Variants in FMNL2 observed in about 807,000 individuals in gnomAD.
FMNL2 encodes the protein formin-like protein 2.
In FMNL2, 51 loss-of-function variants were observed where a neutral mutation model predicts 130.2. That is an observed-to-expected ratio of 0.39 (90% confidence interval 0.31 to 0.49). FMNL2 has a LOEUF of 0.49. Ranked by LOEUF, FMNL2 falls within the 20% of genes least tolerant of loss-of-function variation. The pLI is 0.85. For missense variants in FMNL2, 977 were observed against 1,316.2 expected (o/e 0.74, Z 3.99); for synonymous variants, 465 against 467.1 (o/e 1.00, Z 0.06).
chr2:152,381,877 G>T (rs1326172936), intron 1 of FMNL2, among the ~76,000 whole-genome samples: 1 of 151,162 alleles, frequency 6.6e-6, no homozygotes, highest in Non-Finnish European at 1.5e-5. Context: ...GCACAATCAC[G>T]GCTCACTGCA....
intron 2 of FMNL2, among the ~76,000 whole-genome samples, chr2:152,532,810 G>A (rs1263614278): frequency 1.3e-5 from 2 of 151,934 alleles, no homozygotes; most frequent in Non-Finnish European, 2.9e-5. Context: ...GTTTCACCAC[G>A]TTGGCCAGGC....
chr2:152,384,074 T>C (rs1028478975), intron 1 of FMNL2, among the ~76,000 whole-genome samples: 1 of 152,242 alleles, frequency 6.6e-6, no homozygotes, highest in African/African-American at 2.4e-5. Flanking sequence ...TATTGATTTC[T>C]ATTTTTGTGA....
intron 1 of FMNL2, among the ~76,000 whole-genome samples, chr2:152,472,713 A>G (rs966588360): frequency 6.6e-6 from 1 of 152,222 alleles, no homozygotes; most frequent in African/African-American, 2.4e-5. Context: ...CATCAGGCCA[A>G]TTCCAGGGTC....
At chr2:152,481,424 AAAC>A (rs1558900062) in intron 1 of FMNL2, among the ~76,000 whole-genome samples, 2 of 152,238 alleles carry the variant, frequency 1.3e-5, no homozygotes, top group East Asian at 3.8e-4. Flanking sequence ...AACAGCCAAA[AAAC>A]AACGTTTTGG....
intron 1 of FMNL2, among the ~76,000 whole-genome samples, chr2:152,453,602 G>A (rs2105082056): frequency 6.6e-6 from 1 of 152,316 alleles, no homozygotes; most frequent in African/African-American, 2.4e-5. Context: ...CAGATTCAAT[G>A]CCTGCTTTTG....
intron 1 of FMNL2, among the ~76,000 whole-genome samples, chr2:152,384,100 A>T (rs900909942): frequency 3.3e-5 from 5 of 152,146 alleles, no homozygotes; most frequent in Non-Finnish European, 5.9e-5. Context: ...TACTTTGTGT[A>T]TATTTATCTT....
At chr2:152,372,786 A>T (rs1379726501) in intron 1 of FMNL2, among the ~76,000 whole-genome samples, 1 of 152,216 alleles carries the variant, frequency 6.6e-6, no homozygotes, top group East Asian at 1.9e-4. Flanking sequence ...TGTTCCAGTA[A>T]TCTGAGACAG....
intron 1 of FMNL2, among the ~76,000 whole-genome samples, chr2:152,461,004 C>A (rs1490593211): frequency 6.6e-6 from 1 of 152,172 alleles, no homozygotes; most frequent in Non-Finnish European, 1.5e-5. Context: ...ACTACCTGGT[C>A]CATGGAAAAA....
chr2:152,594,321 C>T (rs1294203938), intron 9 of FMNL2, among the ~76,000 whole-genome samples: 1 of 152,040 alleles, frequency 6.6e-6, no homozygotes, highest in Non-Finnish European at 1.5e-5. Context: ...AACAAGGTAC[C>T]TAGATAATAA....
intron 6 of FMNL2, among the ~76,000 whole-genome samples, chr2:152,566,153 G>A (rs1182899962): frequency 2.6e-5 from 4 of 152,246 alleles, no homozygotes; most frequent in South Asian, 2.1e-4. Flanking sequence ...TATCCTTAGT[G>A]GATTTACGTG....
chr2:152,608,094 T>G (rs928895669), intron 10 of FMNL2, among the ~76,000 whole-genome samples: 2 of 152,136 alleles, frequency 1.3e-5, no homozygotes, highest in African/African-American at 4.8e-5. Context: ...GAATCTACCA[T>G]AGTGAATTTC....
intron 1 of FMNL2, among the ~76,000 whole-genome samples, chr2:152,372,271 G>C (rs1007196293): frequency 5.9e-5 from 9 of 152,196 alleles, no homozygotes; most frequent in African/African-American, 2.2e-4. Flanking sequence ...ATTATAGTTA[G>C]AGGTCCATCT....
intron 1 of FMNL2, among the ~76,000 whole-genome samples, chr2:152,410,181 A>G (rs1022758442): frequency 6.6e-6 from 1 of 152,180 alleles, no homozygotes; most frequent in African/African-American, 2.4e-5. Flanking sequence ...CTTGCTGTCG[A>G]TATGGAGCAC....
At chr2:152,442,228 C>CTATTTCTT (rs1301922381) in intron 1 of FMNL2, among the ~76,000 whole-genome samples, 1 of 151,706 alleles carries the variant, frequency 6.6e-6, no homozygotes, top group African/African-American at 2.4e-5. Flanking sequence ...CACTTCTGTC[C>CTATTTCTT]TTTTTCTTTT....
chr2:152,619,641 T>C lies in FMNL2; in HGVS notation c.1760T>C (p.Leu587Ser), dbSNP rs199752373. 5.0e-6 allele frequency: 7 copies of C among 1,410,138 alleles called. No homozygotes were observed. The African/African-American group carries it at 1.1e-4, about 21-fold the overall frequency. 87.4% of individuals were successfully genotyped at this position (1,410,138 alleles called of 1,614,324 possible). Residue 587 changes from leucine (L) to serine (S), a missense_variant, in exon 15 of 26, where the codon TTA becomes TCA. Leu to Ser is a moderately radical substitution (Grantham distance 145). Coordinates refer to ENST00000288670, the MANE Select transcript of FMNL2 (RefSeq NM_052905.4). The stretch of plus-strand genomic sequence containing the variant: ...GCTGAGACTGTACCAGCTCCTCCCT[T>C]AGCACCTCCCCTTCCCTCTGCACCT... Reference protein sequence around the residue: ...PAAETVPAPPLAPPLPSAPPL... With the variant: ...PAAETVPAPPSAPPLPSAPPL...
intron 1 of FMNL2, among the ~76,000 whole-genome samples, chr2:152,473,652 A>T (rs572294776): frequency 2.6e-5 from 4 of 152,244 alleles, no homozygotes; most frequent in Non-Finnish European, 5.9e-5. Context: ...CCAAGATTTC[A>T]TATTGATTCA....
chr2:152,369,839 C>T (rs1365766775), intron 1 of FMNL2, among the ~76,000 whole-genome samples: 2 of 152,154 alleles, frequency 1.3e-5, no homozygotes, highest in African/African-American at 4.8e-5. Context: ...GCATTTATAG[C>T]ATAATGGAGT....
At chr2:152,615,663 C>T (rs34469468) in intron 12 of FMNL2, among the ~76,000 whole-genome samples, 22,051 of 152,108 alleles carry the variant, frequency 0.14, 1,796 homozygotes, top group Admixed American at 0.24. Context: ...ATTCATTAAC[C>T]ACATATTTCA....
At chr2:152,436,116 T>C (rs886267749) in intron 1 of FMNL2, among the ~76,000 whole-genome samples, 5 of 152,120 alleles carry the variant, frequency 3.3e-5, no homozygotes, top group African/African-American at 1.2e-4. Context: ...TGCAATCCCG[T>C]GCTTGATAAG....
Sources: allele counts gnomAD v4.1 joint callset (sites outside exome capture counted in the v4.1 genomes callset), GRCh38; gene constraint gnomAD v4.1.1; transcripts MANE v1.5; gene names NCBI Gene and HGNC (gene_info 2026-07-23, HGNC 2026-07-21).